Variants in SESTD1 observed in about 807,000 individuals in gnomAD.
The protein encoded by SESTD1 is SEC14 domain and spectrin repeat-containing protein 1.
SESTD1 carries 43 observed loss-of-function variants against 101.7 expected under a neutral mutation model. The ratio of observed to expected loss-of-function variants is 0.42; its 90% CI spans 0.33 to 0.55. The LOEUF (loss-of-function observed/expected upper bound fraction) is 0.55. Ranked by LOEUF, SESTD1 falls within the 20% of genes least tolerant of loss-of-function variation. The pLI, the probability that SESTD1 is intolerant of heterozygous loss-of-function variation, is 0.07. For missense variants in SESTD1, 647 were observed against 815.1 expected (o/e 0.79, Z 2.51); for synonymous variants, 283 against 286.8 (o/e 0.99, Z 0.13).
intron 5 of SESTD1, among the ~76,000 whole-genome samples, chr2:179,156,982 T>C (rs575742160): frequency 9.8e-5 from 15 of 152,328 alleles, no homozygotes; most frequent in African/African-American, 3.6e-4. Context: ...TTAATCCATC[T>C]TGAGTTGATT....
At chr2:179,234,151 T>G (rs182405088) in intron 1 of SESTD1, among the ~76,000 whole-genome samples, 1 of 152,200 alleles carries the variant, frequency 6.6e-6, no homozygotes, top group Non-Finnish European at 1.5e-5. Context: ...CCAGCAGGAC[T>G]GCCTTCAGAC....
At chr2:179,256,844 A>G (rs541537925) in intron 1 of SESTD1, among the ~76,000 whole-genome samples, 10 of 151,684 alleles carry the variant, frequency 6.6e-5, no homozygotes, top group African/African-American at 2.4e-4. Flanking sequence ...ACAGATGAGC[A>G]GTCACTTCTT....
chr2:179,197,304 C>A (rs560522477), intron 1 of SESTD1, among the ~76,000 whole-genome samples: 1 of 151,956 alleles, frequency 6.6e-6, no homozygotes, highest in Admixed American at 6.6e-5. Flanking sequence ...AAATATGGGA[C>A]TACGTGAAAA....
intron 1 of SESTD1, among the ~76,000 whole-genome samples, chr2:179,254,100 GA>G (rs199995870): frequency 6.8e-6 from 1 of 146,464 alleles, no homozygotes; most frequent in Non-Finnish European, 1.5e-5. Context: ...ACCTTGTCTC[GA>G]AAAAAAAATA....
chr2:179,149,935 T>C (rs77057370), intron 6 of SESTD1, among the ~76,000 whole-genome samples: 4,037 of 152,306 alleles, frequency 0.027, 84 homozygotes, highest in Non-Finnish European at 0.035. Context: ...TTTTTAAATA[T>C]GGTGGAAATA....
chr2:179,218,564 C>CAA (rs150261122), intron 1 of SESTD1, among the ~76,000 whole-genome samples: 9 of 151,704 alleles, frequency 5.9e-5, no homozygotes, highest in South Asian at 4.2e-4. Context: ...CAAGAAGCAC[C>CAA]AAAAAAAACT....
chr2:179,118,220 A>G (rs1366510357), intron 13 of SESTD1, among the ~76,000 whole-genome samples: 2 of 152,160 alleles, frequency 1.3e-5, no homozygotes, highest in Non-Finnish European at 2.9e-5. Flanking sequence ...AAAACCCTCC[A>G]TCTACATTCT....
chr2:179,174,619 T>A (rs2045979611), intron 4 of SESTD1, among the ~76,000 whole-genome samples: 1 of 152,082 alleles, frequency 6.6e-6, no homozygotes, highest in South Asian at 2.1e-4. Context: ...AAAGAAAAAG[T>A]TATTTTAGGA....
Position 179,260,579 on chromosome 2 carries a change from G to A in SESTD1, c.-26+3920C>T, listed in dbSNP as rs186038000. ...CTCTCTGCCCCCACAGTTGTCAGAT[G>A]ATTTCTAGTAAACGTTTAAAGGGCA... On this transcript the variant is annotated intron_variant, in intron 1 of 17. Transcript: ENST00000428443. 5.9e-5 allele frequency among the ~76,000 whole-genome samples: 9 copies of A among 152,214 alleles called. No homozygotes were observed. The East Asian group carries it at 9.7e-4, about 16-fold the overall frequency.
intron 1 of SESTD1, among the ~76,000 whole-genome samples, chr2:179,210,627 C>T (rs112846861): frequency 0.077 from 10,386 of 134,238 alleles, 2,294 homozygotes; most frequent in South Asian, 0.18. Context: ...TTGACAAAAT[C>T]CAGCATCACT....
chr2:179,213,909 C>T (rs928056670), intron 1 of SESTD1, among the ~76,000 whole-genome samples: 1 of 134,544 alleles, frequency 7.4e-6, no homozygotes, highest in Non-Finnish European at 1.6e-5. Flanking sequence ...GAAATAAAAT[C>T]CTTCACAGAC....
chr2:179,127,908 A>G (rs1007965449), intron 10 of SESTD1, among the ~76,000 whole-genome samples: 3 of 152,254 alleles, frequency 2.0e-5, no homozygotes, highest in African/African-American at 7.2e-5. Context: ...AAGGATTTCA[A>G]TACCTTATTC....
Position 179,104,621 on chromosome 2 carries a change from G to C in SESTD1, c.*5278C>G, listed in dbSNP as rs2044341163. 1.3e-5 allele frequency: 2 copies of C among 151,994 alleles called. No individual in the cohort carries two copies. Among genetic ancestry groups the C allele is most frequent in the Non-Finnish European group, 2.9e-5 (2 of 67,992 alleles). 9.4% of individuals were successfully genotyped at this position (151,994 alleles called of 1,614,324 possible). On this transcript the variant is annotated 3_prime_UTR_variant, in exon 18 of 18. Coordinates refer to ENST00000428443, the MANE Select transcript of SESTD1 (RefSeq NM_178123.5). Reference sequence around the variant, plus strand: ...CTAAGGTGCCTCCTGGAGATTCACTGGGAACTGGCTGGAGTTCAATAGCCC... The same window carrying C: ...CTAAGGTGCCTCCTGGAGATTCACTCGGAACTGGCTGGAGTTCAATAGCCC...
chr2:179,129,448 T>C (rs1189859496), intron 10 of SESTD1, among the ~76,000 whole-genome samples: 1 of 152,208 alleles, frequency 6.6e-6, no homozygotes, highest in Non-Finnish European at 1.5e-5. Context: ...GAACTAGAAC[T>C]ACAGGTTGGC....
chr2:179,152,619 A>G (rs2045552771), intron 5 of SESTD1, among the ~76,000 whole-genome samples: 1 of 152,200 alleles, frequency 6.6e-6, no homozygotes, highest in South Asian at 2.1e-4. Context: ...ATGAAGTTAT[A>G]ATATCAACAA....
intron 5 of SESTD1, among the ~76,000 whole-genome samples, chr2:179,160,898 T>C (rs1472624754): frequency 6.6e-6 from 1 of 152,060 alleles, no homozygotes; most frequent in Admixed American, 6.6e-5. Context: ...TACAAAATAC[T>C]AAATTAAAGC....
chr2:179,183,191 A>G lies in SESTD1; in HGVS notation c.56-3T>C, dbSNP rs533528779. On this transcript the variant is annotated splice_polypyrimidine_tract_variant and splice_region_variant and intron_variant, in intron 2 of 17. Coordinates refer to ENST00000428443, the MANE Select transcript of SESTD1 (RefSeq NM_178123.5). The stretch of plus-strand genomic sequence containing the variant: ...GCCACTCCGTCTGTCTTTTCCTCCT[A>G]TTAAAAAAGAGATTTAAATTTAACA... 5 of 1,582,728 alleles carry G rather than the reference A, an allele frequency of 3.2e-6. No individual in the cohort carries two copies. The East Asian group carries it at 1.1e-4, about 36-fold the overall frequency.
chr2:179,151,397 A>G lies in SESTD1; in HGVS notation c.370-6T>C. 6.4e-7 allele frequency: 1 copy of G among 1,574,144 alleles called. No individual in the cohort carries two copies. The highest frequency in any genetic ancestry group is 8.6e-7 in the Non-Finnish European group (1 of 1,163,166). The stretch of plus-strand genomic sequence containing the variant: ...TTGGCGGACACTAAAATAACCTATA[A>G]AAAGGTTAAAAGAAAAGAAACATTT... On this transcript the variant is annotated splice_region_variant and splice_polypyrimidine_tract_variant and intron_variant, in intron 5 of 17. Transcript: ENST00000428443.
chr2:179,244,143 T>C (rs549170909), intron 1 of SESTD1, among the ~76,000 whole-genome samples: 74 of 151,648 alleles, frequency 4.9e-4, no homozygotes, highest in Non-Finnish European at 8.0e-4. Flanking sequence ...AAAAACTGAA[T>C]GAATTAATTA....
Sources: allele counts gnomAD v4.1 joint callset (sites outside exome capture counted in the v4.1 genomes callset), GRCh38; gene constraint gnomAD v4.1.1; transcripts MANE v1.5; gene names NCBI Gene and HGNC (gene_info 2026-07-23, HGNC 2026-07-21).